The following TBC1D32 variants were observed in gnomAD, a reference collection of about 807,000 sequenced individuals.
TBC1D32 encodes the protein TBC1 domain family member 32, also known as protein broad-minded.
In TBC1D32, 151 loss-of-function variants were observed where a neutral mutation model predicts 170.3. The observed-to-expected ratio is 0.89, with a 90% CI of 0.78 to 1.01. The LOEUF (loss-of-function observed/expected upper bound fraction) is 1.01. TBC1D32 is among the 50% of genes least tolerant of loss of function. The pLI, the probability that TBC1D32 is intolerant of heterozygous loss-of-function variation, is 0.00. For synonymous variants in TBC1D32, 498 were observed against 488.0 expected (o/e 1.02, Z -0.27); for missense variants, 1,464 against 1,457.1 (o/e 1.00, Z -0.08).
chr6:121,299,701 A>G (rs1276967423), intron 9 of TBC1D32, among the ~76,000 whole-genome samples, 196 bp from the exon 10 acceptor site: 2 of 152,112 alleles, frequency 1.3e-5, no homozygotes, highest in Non-Finnish European at 2.9e-5. Flanking sequence ...ATCGTATCAA[A>G]AAACTTGCAG....
At chr6:121,093,058 C>T (rs1219157758) in intron 30 of TBC1D32, among the ~76,000 whole-genome samples, 1 of 151,968 alleles carries the variant, frequency 6.6e-6, no homozygotes, top group Non-Finnish European at 1.5e-5. Flanking sequence ...CCAAAGAGCC[C>T]ATAAGTTTTA....
At chr6:121,124,753 T>C (rs147076903) in intron 26 of TBC1D32, among the ~76,000 whole-genome samples, 1,081 of 94,594 alleles carry the variant, frequency 0.011, 12 homozygotes, top group African/African-American at 0.03. Context: ...TATTTTCAAA[T>C]TGTCTTCAAG....
At chr6:121,149,139 T>C (rs1395811878) in intron 24 of TBC1D32, among the ~76,000 whole-genome samples, 1 of 152,238 alleles carries the variant, frequency 6.6e-6, no homozygotes, top group African/African-American at 2.4e-5. Context: ...AAGTTCTTTG[T>C]AGATTCTGGG....
chr6:121,150,084 C>G (rs1784017612), intron 24 of TBC1D32, among the ~76,000 whole-genome samples: 1 of 152,166 alleles, frequency 6.6e-6, no homozygotes, highest in Non-Finnish European at 1.5e-5. Context: ...GCATCCTTAT[C>G]TGTGCCAGTT....
chr6:121,329,028 C>T (rs1810850355), intron 1 of TBC1D32, among the ~76,000 whole-genome samples: 1 of 152,286 alleles, frequency 6.6e-6, no homozygotes, highest in South Asian at 2.1e-4. Context: ...GAGTGGAGCT[C>T]ACCACACTTC....
intron 22 of TBC1D32, among the ~76,000 whole-genome samples, chr6:121,174,029 A>T (rs558238789): frequency 1.3e-5 from 2 of 152,194 alleles, no homozygotes; most frequent in Non-Finnish European, 2.9e-5. Context: ...TTGATAAAGC[A>T]GTGGTCTCCA....
chr6:121,147,583 ATATTTTTT>A lies in TBC1D32; in HGVS notation c.2773+12419_2773+12426del, dbSNP rs200189615. Among the ~76,000 whole-genome samples, 1,158 of 151,628 alleles carry A rather than the reference ATATTTTTT, an allele frequency of 7.6e-3. 18 individuals carry two copies. Among genetic ancestry groups the A allele is most frequent in the African/African-American group, 0.027 (1,105 of 41,270 alleles). On this transcript the variant is annotated intron_variant, in intron 24 of 31. Coordinates refer to ENST00000398212, the MANE Select transcript of TBC1D32 (RefSeq NM_152730.6). ...TGATTAGTGATGGTGAGCATTTTTA[ATATTTTTT>A]TATTTTTTTATTTTTTTTGAGACGG...
At chr6:121,113,211 C>T (rs1779366074) in intron 27 of TBC1D32, 34 bp from the exon 28 acceptor site, 1 of 1,403,340 alleles carries the variant, frequency 7.1e-7, no homozygotes, top group Non-Finnish European at 9.9e-7. Context: ...TAAAACATAT[C>T]AGGTCTTGCA....
At chr6:121,243,509 C>T (rs1797234822) in intron 17 of TBC1D32, among the ~76,000 whole-genome samples, 1 of 151,872 alleles carries the variant, frequency 6.6e-6, no homozygotes, top group African/African-American at 2.4e-5. Flanking sequence ...TGGATCATGA[C>T]AAATCTACCC....
At chr6:121,134,029 A>C in intron 24 of TBC1D32, among the ~76,000 whole-genome samples, 1 of 152,148 alleles carries the variant, frequency 6.6e-6, no homozygotes, top group East Asian at 1.9e-4. Context: ...CTTGACAAGA[A>C]TTAGGTAAAG....
At chr6:121,197,760 G>C (rs931483413) in intron 22 of TBC1D32, among the ~76,000 whole-genome samples, 7 of 152,140 alleles carry the variant, frequency 4.6e-5, no homozygotes, top group Non-Finnish European at 1.0e-4. Flanking sequence ...CTGACAACAG[G>C]TGGACTTGTG....
In TBC1D32 at chr6:121,241,565, A is replaced by G. The variant is rs1351415008; in HGVS notation, c.2158-13T>C. ...TATGCCTGCTGACCTAACAGCATAA[A>G]TAAGGAACAGCAATGAAAAGCAACA... is the stretch of plus-strand genomic sequence containing the variant. On this transcript the variant is annotated splice_polypyrimidine_tract_variant and intron_variant, in intron 18 of 31. Transcript: ENST00000398212. 9.9e-6 allele frequency: 16 copies of G among 1,609,482 alleles called. No individual in the cohort carries two copies. Among genetic ancestry groups the G allele is most frequent in the Non-Finnish European group, 1.4e-5 (16 of 1,176,326 alleles).
At chr6:121,262,696 CG>C (rs1319035096) in intron 15 of TBC1D32, among the ~76,000 whole-genome samples, 1 of 152,042 alleles carries the variant, frequency 6.6e-6, no homozygotes, top group African/African-American at 2.4e-5. Context: ...AGGCTGGTCT[CG>C]AACTCCTGAC....
At chr6:121,082,322 T>C (rs1407318463) in intron 31 of TBC1D32, among the ~76,000 whole-genome samples, 1 of 152,018 alleles carries the variant, frequency 6.6e-6, no homozygotes, top group East Asian at 1.9e-4. Flanking sequence ...CTTTTTTCTT[T>C]GGGGAAAAAA....
chr6:121,177,296 T>C (rs1235240255), intron 22 of TBC1D32, among the ~76,000 whole-genome samples: 2 of 152,070 alleles, frequency 1.3e-5, no homozygotes, highest in Non-Finnish European at 2.9e-5. Context: ...CTCATGATAG[T>C]GAATGAGTTC....
At chr6:121,236,554 A>G (rs1022638329) in intron 20 of TBC1D32, among the ~76,000 whole-genome samples, 1 of 152,186 alleles carries the variant, frequency 6.6e-6, no homozygotes, top group African/African-American at 2.4e-5. Flanking sequence ...CTTAGAGACT[A>G]GAAGCTGGAC....
intron 21 of TBC1D32, among the ~76,000 whole-genome samples, chr6:121,222,388 T>C (rs1045126815): frequency 3.9e-5 from 6 of 152,184 alleles, no homozygotes; most frequent in African/African-American, 1.2e-4. Flanking sequence ...AAGCACAAAA[T>C]ACAATTGAAA....
intron 15 of TBC1D32, among the ~76,000 whole-genome samples, chr6:121,272,668 AAAC>A (rs1801632333): frequency 6.6e-6 from 1 of 152,164 alleles, no homozygotes; most frequent in Non-Finnish European, 1.5e-5. Flanking sequence ...GTGGGACTGT[AAAC>A]TAGTTCAACC....
chr6:121,154,826 G>A (rs1464575727), intron 24 of TBC1D32, among the ~76,000 whole-genome samples: 2 of 152,054 alleles, frequency 1.3e-5, no homozygotes, highest in Non-Finnish European at 2.9e-5. Flanking sequence ...GTGTAGGCTT[G>A]TTTCTGGGTT....
Sources: allele counts gnomAD v4.1 joint callset (sites outside exome capture counted in the v4.1 genomes callset), GRCh38; gene constraint gnomAD v4.1.1; transcripts MANE v1.5; gene names NCBI Gene and HGNC (gene_info 2026-07-23, HGNC 2026-07-21).